Variants in EPB41L2 observed in about 807,000 individuals in gnomAD.
EPB41L2 encodes the protein erythrocyte membrane protein band 4.1 like 2.
Under a neutral mutation model 113.0 loss-of-function variants are expected in EPB41L2, and 43 were observed. The observed-to-expected ratio is 0.38, with a 90% CI of 0.30 to 0.49. The LOEUF (loss-of-function observed/expected upper bound fraction) is 0.49. Among genes scored for constraint, EPB41L2 ranks in the 20% least tolerant of loss-of-function variants. The probability of loss-of-function intolerance (pLI) is 0.95; values close to 1 mark genes in which losing one functional copy is unlikely to be tolerated. For missense variants in EPB41L2, 1,147 were observed against 1,223.4 expected, an observed-to-expected ratio of 0.94 and a Z score of 0.93; for synonymous variants, 442 against 436.7, an observed-to-expected ratio of 1.01 and a Z score of -0.15.
intron 3 of EPB41L2, among the ~76,000 whole-genome samples, chr6:130,930,774 T>A (rs1194570486): frequency 6.6e-6 from 1 of 152,072 alleles, no homozygotes; most frequent in Non-Finnish European, 1.5e-5. Flanking sequence ...GAATCAGATC[T>A]TCAGAGACTG....
intron 3 of EPB41L2, among the ~76,000 whole-genome samples, chr6:130,930,205 T>C (rs1806340714): frequency 6.6e-6 from 1 of 151,970 alleles, no homozygotes; most frequent in African/African-American, 2.4e-5. Context: ...AACCTGATGT[T>C]TCCCAAAACT....
chr6:130,893,818 A>G (rs1290400634), intron 10 of EPB41L2, among the ~76,000 whole-genome samples: 1 of 152,188 alleles, frequency 6.6e-6, no homozygotes, highest in Non-Finnish European at 1.5e-5. Flanking sequence ...CAGTCAGACC[A>G]TAGGGTTCAA....
At chr6:131,044,317 C>A (rs1027840794) in intron 1 of EPB41L2, among the ~76,000 whole-genome samples, 2 of 151,854 alleles carry the variant, frequency 1.3e-5, no homozygotes. Flanking sequence ...TGAGCCACAG[C>A]ACCCAGCCAA....
At chr6:130,851,161 A>T (rs934556815) in intron 19 of EPB41L2, among the ~76,000 whole-genome samples, 7 of 152,204 alleles carry the variant, frequency 4.6e-5, no homozygotes, top group African/African-American at 1.4e-4. Flanking sequence ...TCTGGAAGTC[A>T]ATAGGTTTGT....
intron 1 of EPB41L2, among the ~76,000 whole-genome samples, chr6:130,989,991 G>T (rs940314741): frequency 6.6e-6 from 1 of 152,140 alleles, no homozygotes; most frequent in Non-Finnish European, 1.5e-5. Flanking sequence ...TTTAGACTGG[G>T]TAACAACAAC....
At chr6:131,025,744 C>G (rs981356714) in intron 1 of EPB41L2, among the ~76,000 whole-genome samples, 3 of 152,170 alleles carry the variant, frequency 2.0e-5, no homozygotes, top group African/African-American at 7.2e-5. Context: ...CTACTCCAAA[C>G]CCCCTAAAGT....
At chr6:131,028,019 T>C (rs969534119) in intron 1 of EPB41L2, among the ~76,000 whole-genome samples, 1 of 152,190 alleles carries the variant, frequency 6.6e-6, no homozygotes, top group African/African-American at 2.4e-5. Context: ...GGTTTCAACA[T>C]GTTTTAAAAT....
chr6:131,043,658 A>C (rs1348262749), intron 1 of EPB41L2, among the ~76,000 whole-genome samples: 1 of 152,252 alleles, frequency 6.6e-6, no homozygotes, highest in Admixed American at 6.5e-5. Context: ...CAATGTATGT[A>C]CCTAACTTGG....
chr6:130,889,506 C>T (rs1208951277), intron 11 of EPB41L2, among the ~76,000 whole-genome samples: 1 of 151,630 alleles, frequency 6.6e-6, no homozygotes, highest in Non-Finnish European at 1.5e-5. Flanking sequence ...CAAACAAACA[C>T]ATTATATTTA....
intron 15 of EPB41L2, 160 bp from the exon 16 acceptor site, chr6:130,867,741 A>C: frequency 1.1e-6 from 1 of 932,816 alleles, no homozygotes. Context: ...AAAAGAAATA[A>C]AAGAAAAATT....
chr6:130,982,602 G>A (rs922973273), intron 1 of EPB41L2, among the ~76,000 whole-genome samples: 3 of 152,128 alleles, frequency 2.0e-5, no homozygotes, highest in African/African-American at 4.8e-5. Context: ...GTGTCAAAAC[G>A]TAAAGAACTC....
At chr6:131,007,881 T>C (rs1457860968) in intron 1 of EPB41L2, among the ~76,000 whole-genome samples, 1 of 152,242 alleles carries the variant, frequency 6.6e-6, no homozygotes, top group East Asian at 1.9e-4. Flanking sequence ...TTCAGTTGTA[T>C]GTGTTCACAA....
intron 1 of EPB41L2, among the ~76,000 whole-genome samples, chr6:130,975,701 A>T (rs1269020768): frequency 1.3e-5 from 2 of 152,182 alleles, no homozygotes; most frequent in African/African-American, 4.8e-5. Flanking sequence ...AAACTAAAAT[A>T]ACCTAAAAAG....
At chr6:130,991,969 C>G (rs1346906267) in intron 1 of EPB41L2, among the ~76,000 whole-genome samples, 1 of 151,496 alleles carries the variant, frequency 6.6e-6, no homozygotes, top group East Asian at 1.9e-4. Context: ...GATAGAAATC[C>G]TAGGAGAGTG....
intron 11 of EPB41L2, among the ~76,000 whole-genome samples, chr6:130,889,534 G>A (rs983243494): frequency 3.9e-5 from 6 of 152,086 alleles, no homozygotes; most frequent in Non-Finnish European, 7.4e-5. Context: ...TTAAAATGCT[G>A]TATTTAAAAT....
At chr6:131,052,651 G>C (rs1020118297) in intron 1 of EPB41L2, among the ~76,000 whole-genome samples, 1 of 152,168 alleles carries the variant, frequency 6.6e-6, no homozygotes, top group Non-Finnish European at 1.5e-5. Flanking sequence ...ACATGACTTA[G>C]CTTTTGTATA....
intron 19 of EPB41L2, among the ~76,000 whole-genome samples, chr6:130,845,168 G>A (rs1040958406): frequency 6.6e-6 from 1 of 152,202 alleles, no homozygotes; most frequent in East Asian, 1.9e-4. Flanking sequence ...AAATATACAC[G>A]AAGTGTAGCC....
At chr6:131,012,651 A>AG (rs1365028283) in intron 1 of EPB41L2, among the ~76,000 whole-genome samples, 1 of 151,982 alleles carries the variant, frequency 6.6e-6, no homozygotes, top group South Asian at 2.1e-4. Flanking sequence ...CCAATAGAAG[A>AG]GGGAAAAAAA....
At chr6:130,841,561 C>T (rs1382596909) in intron 19 of EPB41L2, among the ~76,000 whole-genome samples, 1 of 152,198 alleles carries the variant, frequency 6.6e-6, no homozygotes, top group Non-Finnish European at 1.5e-5. Context: ...AGGAAGATGA[C>T]AAATGTCAGG....
Sources: allele counts gnomAD v4.1 joint callset (sites outside exome capture counted in the v4.1 genomes callset), GRCh38; gene constraint gnomAD v4.1.1; transcripts MANE v1.5; gene names NCBI Gene and HGNC (gene_info 2026-07-23, HGNC 2026-07-21).